The following DPP6 variants were observed in gnomAD, a reference collection of about 807,000 sequenced individuals.
The protein encoded by DPP6 is dipeptidyl peptidase like 6, also known as A-type potassium channel modulatory protein DPP6.
Under a neutral mutation model 122.6 loss-of-function variants are expected in DPP6, and 69 were observed. The observed-to-expected ratio is 0.56, with a 90% CI of 0.46 to 0.69. The LOEUF is 0.69. Among genes scored for constraint, DPP6 ranks in the 30% least tolerant of loss-of-function variants. The probability of loss-of-function intolerance (pLI) is 0.00; values close to 1 mark genes in which losing one functional copy is unlikely to be tolerated. For synonymous variants in DPP6, 418 were observed against 433.1 expected, an observed-to-expected ratio of 0.97 and a Z score of 0.43; for missense variants, 928 against 1,116.9, an observed-to-expected ratio of 0.83 and a Z score of 2.41.
intron 5 of DPP6, among the ~76,000 whole-genome samples, chr7:154,575,441 G>GGTGTGTGTGTGTGTGTGGT (rs1563879589): frequency 7.9e-5 from 3 of 37,954 alleles, no homozygotes; most frequent in Non-Finnish European, 9.1e-5. Flanking sequence ...GTATGTGTGT[G>GGTGTGTGTGTGTGTGTGGT]GTGTGTGTAT....
intron 1 of DPP6, among the ~76,000 whole-genome samples, chr7:154,105,631 G>A (rs1041373398): frequency 3.9e-5 from 6 of 152,154 alleles, no homozygotes; most frequent in African/African-American, 7.2e-5. Flanking sequence ...GGAGGTAATC[G>A]ATTCATGAGG....
chr7:154,732,501 T>G (rs1842386854), intron 8 of DPP6, among the ~76,000 whole-genome samples: 1 of 152,102 alleles, frequency 6.6e-6, no homozygotes, highest in Non-Finnish European at 1.5e-5. Context: ...AGCTGGAACA[T>G]GTTAGGGTCA....
At chr7:153,902,199 A>G (rs1304345021) in intron 1 of DPP6, among the ~76,000 whole-genome samples, 1 of 152,190 alleles carries the variant, frequency 6.6e-6, no homozygotes, top group Non-Finnish European at 1.5e-5. Flanking sequence ...CAACCCATTA[A>G]ATACATGTTT....
chr7:153,830,436 G>A, the DPP6 span, among the ~76,000 whole-genome samples: 48 of 152,138 alleles, frequency 3.2e-4, no homozygotes, highest in African/African-American at 1.1e-3. Context: ...TGATTGGCAT[G>A]GCCTAACACA....
chr7:154,622,934 C>A (rs935737735), intron 5 of DPP6, among the ~76,000 whole-genome samples: 3 of 152,176 alleles, frequency 2.0e-5, no homozygotes, highest in African/African-American at 7.2e-5. Flanking sequence ...GTGGATTAAG[C>A]TAAAGCAATC....
Position 154,804,982 on chromosome 7 carries a change from T to C in DPP6, c.1547+18T>C, listed in dbSNP as rs1798605435. 1.3e-6 allele frequency: 2 copies of C among 1,589,856 alleles called. No individual in the cohort carries two copies. Among genetic ancestry groups the C allele is most frequent in the Non-Finnish European group, 1.7e-6 (2 of 1,167,218 alleles). ...CTCTACAGGTAACTCCTGCTCCCCC[T>C]GCACACAGGGCTCTCCCCCTTAGGA... On this transcript the variant is annotated intron_variant, in intron 15 of 25. Transcript: ENST00000377770.
rs1428908517 is a variant in DPP6, at chr7:154,884,246, C to A, written c.2134-1387C>A. The A allele has an allele frequency of 2.1e-5, 3 of 142,784 alleles. No individual in the cohort carries two copies. In the East Asian group the frequency reaches 6.5e-4, roughly 31 times the overall value. The allele number at this position is 142,784 out of a possible 1,614,324, so 8.8% of individuals were successfully genotyped here. On this transcript the variant is annotated intron_variant, in intron 21 of 25. Transcript: ENST00000377770. ...ACCTGCTCACACACACACATGCTCA[C>A]AAATTACATACACATGCTCACACAT... is the stretch of plus-strand genomic sequence containing the variant.
chr7:153,816,277 A>G, the DPP6 span, among the ~76,000 whole-genome samples: 1,987 of 151,824 alleles, frequency 0.013, 15 homozygotes, highest in African/African-American at 0.045. Context: ...GGAAAACAAG[A>G]TCTGGTAAAA....
intron 1 of DPP6, among the ~76,000 whole-genome samples, chr7:154,175,167 G>T (rs1346262116): frequency 6.6e-6 from 1 of 151,982 alleles, no homozygotes; most frequent in Non-Finnish European, 1.5e-5. Context: ...AAAAGACGTT[G>T]TCACGAACCC....
At chr7:154,652,028 G>A (rs1253475416) in intron 6 of DPP6, among the ~76,000 whole-genome samples, 1 of 152,180 alleles carries the variant, frequency 6.6e-6, no homozygotes, top group Non-Finnish European at 1.5e-5. Flanking sequence ...GACAGAAAAG[G>A]TTGAGCTCTG....
At chr7:154,296,470 T>A (rs1315465081) in intron 1 of DPP6, among the ~76,000 whole-genome samples, 9 of 152,226 alleles carry the variant, frequency 5.9e-5, no homozygotes, top group Non-Finnish European at 7.3e-5. Context: ...CATAGCAGTT[T>A]CTCAGTAAAC....
At chr7:154,129,084 C>T (rs1444196808) in intron 1 of DPP6, among the ~76,000 whole-genome samples, 2 of 152,016 alleles carry the variant, frequency 1.3e-5, no homozygotes, top group African/African-American at 4.8e-5. Context: ...GAAGAAAAGC[C>T]TGGGAAGTTC....
chr7:154,056,713 C>G (rs144076038), intron 1 of DPP6, among the ~76,000 whole-genome samples: 6 of 152,158 alleles, frequency 3.9e-5, no homozygotes, highest in Non-Finnish European at 8.8e-5. Flanking sequence ...TTTCATCATC[C>G]GCTATGTCTT....
At chr7:153,824,940 T>G in the DPP6 span, among the ~76,000 whole-genome samples, 1 of 152,118 alleles carries the variant, frequency 6.6e-6, no homozygotes, top group Admixed American at 6.5e-5. Flanking sequence ...TCATCACCCC[T>G]TTGCCTTCTC....
At chr7:154,372,071 C>T (rs1464697578) in intron 1 of DPP6, among the ~76,000 whole-genome samples, 1 of 151,876 alleles carries the variant, frequency 6.6e-6, no homozygotes, top group East Asian at 2.0e-4. Flanking sequence ...ATGAGACCAC[C>T]CCCCGGGGAG....
chr7:153,953,700 T>G lies in DPP6; in HGVS notation c.51+65966T>G, dbSNP rs1802325490. On this transcript the variant is annotated intron_variant, in intron 1 of 25. Transcript: ENST00000404039. ...TGACTTGGAGGTTTCTTGGCTATAC[T>G]GTTAGTCAGCATTCTCCAGAGAAAA... Among the ~76,000 whole-genome samples the G allele has an allele frequency of 2.0e-5, 3 of 152,350 alleles. No homozygotes were observed. In the South Asian group the frequency reaches 6.2e-4, roughly 32 times the overall value.
At chr7:154,215,972 G>T (rs77710588) in intron 1 of DPP6, among the ~76,000 whole-genome samples, 1,845 of 151,998 alleles carry the variant, frequency 0.012, 24 homozygotes, top group African/African-American at 0.042. Context: ...CTTCTAAAAG[G>T]CTGCAGAGAG....
At chr7:154,154,362 G>T (rs201389688) in intron 1 of DPP6, among the ~76,000 whole-genome samples, 1 of 137,730 alleles carries the variant, frequency 7.3e-6, no homozygotes, top group East Asian at 2.1e-4. Context: ...TGTGATGTTC[G>T]GGCTTAAGGG....
At chr7:153,755,419 T>C in the DPP6 span, among the ~76,000 whole-genome samples, 3 of 144,888 alleles carry the variant, frequency 2.1e-5, no homozygotes, top group Admixed American at 7.0e-5. Flanking sequence ...TTCTTTCATT[T>C]TCCCAGTGTT....
Sources: allele counts gnomAD v4.1 joint callset (sites outside exome capture counted in the v4.1 genomes callset), GRCh38; gene constraint gnomAD v4.1.1; transcripts MANE v1.5; gene names NCBI Gene and HGNC (gene_info 2026-07-23, HGNC 2026-07-21).